The following STAB2 variants were observed in gnomAD, a reference collection of about 807,000 sequenced individuals.
The protein encoded by STAB2 is stabilin 2, also known as stabilin-2.
In STAB2, 288 loss-of-function variants were observed where a neutral mutation model predicts 338.1. The ratio of observed to expected loss-of-function variants is 0.85; its 90% CI spans 0.77 to 0.94. The LOEUF is 0.94. Among genes scored for constraint, STAB2 ranks in the 40% least tolerant of loss-of-function variants. The pLI, the probability that STAB2 is intolerant of heterozygous loss-of-function variation, is 0.00. For missense variants in STAB2, 3,141 were observed against 3,210.1 expected (o/e 0.98, Z 0.52); for synonymous variants, 1,202 against 1,193.3 (o/e 1.01, Z -0.15).
intron 31 of STAB2, 50 bp downstream of exon 31, chr12:103,692,939 G>T (rs1878078741): frequency 6.6e-7 from 1 of 1,523,968 alleles, no homozygotes; most frequent in Non-Finnish European, 9.0e-7. Context: ...TCCCTTTGTT[G>T]TTTATCGTCC....
chr12:103,678,982 A>G (rs1294509569), intron 25 of STAB2, among the ~76,000 whole-genome samples: 2 of 152,202 alleles, frequency 1.3e-5, no homozygotes, highest in Non-Finnish European at 2.9e-5. Flanking sequence ...TTGTGCAGAG[A>G]CAGTCAGAAG....
chr12:103,681,058 A>C (rs1350407223), intron 25 of STAB2, among the ~76,000 whole-genome samples: 1 of 152,222 alleles, frequency 6.6e-6, no homozygotes, highest in East Asian at 1.9e-4. Flanking sequence ...AAAGCCACAT[A>C]GGGTAAGTCC....
rs1254146896 is a variant in STAB2, at chr12:103,714,381, G to C, written c.4537+613G>C. 3.3e-5 allele frequency among the ~76,000 whole-genome samples: 5 copies of C among 152,142 alleles called. No individual in the cohort carries two copies. The East Asian group carries it at 9.6e-4, about 29-fold the overall frequency. ...CAAATAGCACAAAAAAGACCCACTTGTTCTTTACCCACATTCACCTATTAA... is the reference window on the plus strand; with the variant it reads ...CAAATAGCACAAAAAAGACCCACTTCTTCTTTACCCACATTCACCTATTAA... On this transcript the variant is annotated intron_variant, in intron 42 of 68. Coordinates refer to ENST00000388887, the MANE Select transcript of STAB2 (RefSeq NM_017564.10).
intron 57 of STAB2, 151 bp downstream of exon 57, chr12:103,745,428 G>T (rs562947985): frequency 1.5e-6 from 1 of 662,710 alleles, no homozygotes; most frequent in South Asian, 2.1e-5. Context: ...CTGTAGCCCC[G>T]GGCCTCAGGA....
intron 31 of STAB2, among the ~76,000 whole-genome samples, chr12:103,694,295 A>G (rs1297112460): frequency 6.6e-6 from 1 of 152,148 alleles, no homozygotes; most frequent in Non-Finnish European, 1.5e-5. Flanking sequence ...TGACATAGAC[A>G]TAGAACCATC....
At position 103,748,589 on chromosome 12, in the gene STAB2, CACACACACACACACAT is replaced by C. The variant is rs1302257902; in HGVS notation, c.6245-358_6245-343del. Among the ~76,000 whole-genome samples, 204 of 46,500 alleles carry C rather than the reference CACACACACACACACAT, an allele frequency of 4.4e-3. 1 individual carries two copies. In the East Asian group the frequency reaches 0.12, roughly 27 times the overall value. 30.5% of individuals were successfully genotyped at this position (46,500 alleles called of 152,430 possible). On this transcript the variant is annotated intron_variant, in intron 58 of 68. Transcript: ENST00000388887. ...AATATTGTACTAACTCTACACCACA[CACACACACACACACAT>C]ACACACACACACACACACACACACA...
At chr12:103,592,098 G>A (rs576324019) in intron 2 of STAB2, 1 of 152,244 alleles carries the variant, frequency 6.6e-6, no homozygotes, top group South Asian at 2.1e-4. Flanking sequence ...CCTAGAATTA[G>A]CAAGCAGTGG....
Position 103,694,510 on chromosome 12 carries a change from A to T in STAB2, c.3376-1040A>T, listed in dbSNP as rs116943755. ...ACATGGTCTCCATCATAGCTGTTCAACTCTGCCACCGTAGTGCAAAAACAG... is the reference window on the plus strand; with the variant it reads ...ACATGGTCTCCATCATAGCTGTTCATCTCTGCCACCGTAGTGCAAAAACAG... On this transcript the variant is annotated intron_variant, in intron 31 of 68. Coordinates refer to ENST00000388887, the MANE Select transcript of STAB2 (RefSeq NM_017564.10). Among the ~76,000 whole-genome samples the T allele has an allele frequency of 3.3e-5, 5 of 152,166 alleles. No homozygotes were observed. In the East Asian group the frequency reaches 9.7e-4, roughly 29 times the overall value.
intron 39 of STAB2, among the ~76,000 whole-genome samples, chr12:103,708,933 T>C (rs1178130370): frequency 6.6e-6 from 1 of 152,218 alleles, no homozygotes; most frequent in Non-Finnish European, 1.5e-5. Flanking sequence ...AGTATGACCA[T>C]GCTACACTTT....
intron 8 of STAB2, among the ~76,000 whole-genome samples, chr12:103,638,504 G>C (rs574244145): frequency 4.2e-4 from 64 of 152,294 alleles, no homozygotes; most frequent in African/African-American, 1.5e-3. Flanking sequence ...TTCAAAATTA[G>C]ATTAACAAAT....
At chr12:103,766,130 C>A in intron 68 of STAB2, 156 bp from the exon 69 acceptor site, 1 of 1,023,248 alleles carries the variant, frequency 9.8e-7, no homozygotes, top group Admixed American at 2.0e-5. Context: ...CATCCTGCCT[C>A]CCAACACAAG....
At chr12:103,670,512 G>A (rs1220550004) in intron 21 of STAB2, among the ~76,000 whole-genome samples, 184 bp from the exon 22 acceptor site, 1 of 152,152 alleles carries the variant, frequency 6.6e-6, no homozygotes, top group African/African-American at 2.4e-5. Context: ...CCTGGCTTGG[G>A]ATTCCCAAGC....
intron 43 of STAB2, 44 bp from the exon 44 acceptor site, chr12:103,717,726 A>G (rs1880435334): frequency 6.3e-7 from 1 of 1,596,924 alleles, no homozygotes; most frequent in Non-Finnish European, 8.6e-7. Context: ...GCCAGTACAG[A>G]ACCCACCTGC....
chr12:103,734,917 G>A (rs1342821831), intron 51 of STAB2, among the ~76,000 whole-genome samples: 1 of 152,120 alleles, frequency 6.6e-6, no homozygotes, highest in Non-Finnish European at 1.5e-5. Context: ...ATCTGTCTCT[G>A]CCATCACAGG....
At chr12:103,693,281 C>A (rs1878113269) in intron 31 of STAB2, among the ~76,000 whole-genome samples, 1 of 151,544 alleles carries the variant, frequency 6.6e-6, no homozygotes, top group Non-Finnish European at 1.5e-5. Flanking sequence ...TAATGAGATC[C>A]TCTCTCTACC....
chr12:103,658,928 C>T (rs900432254), intron 15 of STAB2, among the ~76,000 whole-genome samples: 2 of 152,146 alleles, frequency 1.3e-5, no homozygotes, highest in Non-Finnish European at 2.9e-5. Flanking sequence ...CTCCTTCAAC[C>T]ACTGGAGCAT....
At chr12:103,690,882 T>C (rs1593240792) in intron 30 of STAB2, among the ~76,000 whole-genome samples, 1 of 152,244 alleles carries the variant, frequency 6.6e-6, no homozygotes, top group Admixed American at 6.5e-5. Flanking sequence ...TTATTAGTAA[T>C]TGAATCTGTA....
chr12:103,629,569 C>T (rs1957428818), intron 5 of STAB2, among the ~76,000 whole-genome samples: 1 of 152,182 alleles, frequency 6.6e-6, no homozygotes. Flanking sequence ...GATGGCAACA[C>T]AGAAGTGGGG....
At chr12:103,735,886 TG>T (rs1444941175) in intron 52 of STAB2, among the ~76,000 whole-genome samples, 13 of 152,154 alleles carry the variant, frequency 8.5e-5, no homozygotes, top group Non-Finnish European at 8.8e-5. Flanking sequence ...GATACTTTCC[TG>T]AAACAGGAAA....
Sources: gnomAD v4.1 joint callset for allele counts (sites outside exome capture counted in the v4.1 genomes callset) on GRCh38, gnomAD v4.1.1 for gene constraint, MANE v1.5 for transcripts, NCBI Gene and HGNC (gene_info 2026-07-23, HGNC 2026-07-21) for gene names.